Variants in PDGFC observed in about 807,000 individuals in gnomAD.
PDGFC encodes platelet-derived growth factor C.
In PDGFC, 12 loss-of-function variants were observed where a neutral mutation model predicts 35.5. That is an observed-to-expected ratio of 0.34 (90% CI 0.22 to 0.55). PDGFC has a LOEUF of 0.55. Among genes scored for constraint, PDGFC ranks in the 20% least tolerant of loss-of-function variants. The pLI, the probability that PDGFC is intolerant of heterozygous loss-of-function variation, is 0.91. For missense variants in PDGFC, 322 were observed against 412.4 expected, an observed-to-expected ratio of 0.78 and a Z score of 1.90; for synonymous variants, 159 against 148.8, an observed-to-expected ratio of 1.07 and a Z score of -0.50.
At chr4:156,780,809 A>G (rs1730957242) in intron 3 of PDGFC, among the ~76,000 whole-genome samples, 1 of 152,094 alleles carries the variant, frequency 6.6e-6, no homozygotes, top group East Asian at 2.0e-4. Context: ...AAGGTCAGCA[A>G]TGACCCCCCC....
intron 2 of PDGFC, among the ~76,000 whole-genome samples, chr4:156,817,164 A>G (rs1313768411): frequency 1.3e-5 from 2 of 152,186 alleles, no homozygotes; most frequent in Non-Finnish European, 1.5e-5. Context: ...AAAAAAAACT[A>G]CAAATATATA....
At chr4:156,837,353 T>A (rs1399941726) in intron 2 of PDGFC, among the ~76,000 whole-genome samples, 1 of 151,892 alleles carries the variant, frequency 6.6e-6, no homozygotes, top group Non-Finnish European at 1.5e-5. Flanking sequence ...CACGGCAGCC[T>A]GGTGACAGAG....
intron 1 of PDGFC, among the ~76,000 whole-genome samples, chr4:156,958,233 G>T (rs533800945): frequency 2.5e-4 from 38 of 151,844 alleles, no homozygotes; most frequent in Admixed American, 6.6e-4. Flanking sequence ...AGGCATAGAA[G>T]TGTGAGTTGT....
intron 1 of PDGFC, among the ~76,000 whole-genome samples, chr4:156,965,483 T>C (rs1426663054): frequency 6.6e-6 from 1 of 152,074 alleles, no homozygotes; most frequent in Non-Finnish European, 1.5e-5. Context: ...TAATTAACCT[T>C]GACAAGACAG....
chr4:156,922,573 AG>A (rs556015427), intron 1 of PDGFC, among the ~76,000 whole-genome samples: 59 of 152,330 alleles, frequency 3.9e-4, no homozygotes, highest in African/African-American at 1.4e-3. Context: ...TCAGGAAGAT[AG>A]GAAGTATCTT....
At chr4:156,848,282 T>C (rs1451764696) in intron 2 of PDGFC, among the ~76,000 whole-genome samples, 1 of 151,906 alleles carries the variant, frequency 6.6e-6, no homozygotes, top group Non-Finnish European at 1.5e-5. Flanking sequence ...TTGGTGAGAA[T>C]GCTGTGCAAC....
At chr4:156,845,501 G>T (rs183512280) in intron 2 of PDGFC, among the ~76,000 whole-genome samples, 1 of 151,808 alleles carries the variant, frequency 6.6e-6, no homozygotes, top group Admixed American at 6.6e-5. Context: ...TTCCAATTCT[G>T]TCGGAGCTCA....
chr4:156,783,031 T>C (rs143213250), intron 3 of PDGFC, among the ~76,000 whole-genome samples: 3 of 152,144 alleles, frequency 2.0e-5, no homozygotes, highest in African/African-American at 7.2e-5. Flanking sequence ...ATTAAGGAGG[T>C]GATACAAAGA....
chr4:156,916,813 T>C (rs545025558), intron 1 of PDGFC, among the ~76,000 whole-genome samples: 1 of 152,328 alleles, frequency 6.6e-6, no homozygotes, highest in South Asian at 2.1e-4. Context: ...GTTTTCTAAC[T>C]GCTACTGGCC....
intron 2 of PDGFC, among the ~76,000 whole-genome samples, chr4:156,824,313 T>C (rs1331532459): frequency 0.013 from 597 of 45,238 alleles, 41 homozygotes; most frequent in African/African-American, 0.055. Flanking sequence ...TATATATATA[T>C]ATATATATAT....
rs74454247 is a variant in PDGFC at position 156,955,983 on chromosome 4, C to T, written c.118+14803G>A. Among the ~76,000 whole-genome samples, 684 of 152,080 alleles carry T rather than the reference C, an allele frequency of 4.5e-3. 3 individuals are homozygous for T. The highest frequency in any genetic ancestry group is 0.015 in the African/African-American group (639 of 41,508). The stretch of plus-strand genomic sequence containing the variant: ...GTGATAACCCCATGAGAAGCCCTTC[C>T]TGACCCAAAAGTAGAACATCCCTGA... On this transcript the variant is annotated intron_variant, in intron 1 of 5. Transcript: ENST00000502773.
chr4:156,948,606 T>C (rs1265291124), intron 1 of PDGFC, among the ~76,000 whole-genome samples: 1 of 152,008 alleles, frequency 6.6e-6, no homozygotes, highest in African/African-American at 2.4e-5. Context: ...TAGCACAGCA[T>C]TGTTTCTAAT....
At chr4:156,866,561 A>G (rs908618471) in intron 1 of PDGFC, among the ~76,000 whole-genome samples, 3 of 151,998 alleles carry the variant, frequency 2.0e-5, no homozygotes, top group Non-Finnish European at 4.4e-5. Context: ...GTGTGTGTTT[A>G]TTTAAGATCT....
At chr4:156,813,904 G>T (rs996449076) in intron 2 of PDGFC, among the ~76,000 whole-genome samples, 9 of 152,106 alleles carry the variant, frequency 5.9e-5, no homozygotes, top group African/African-American at 2.2e-4. Context: ...CTCATCTCCA[G>T]AATTCGTGTC....
intron 1 of PDGFC, among the ~76,000 whole-genome samples, chr4:156,897,352 G>A (rs1009554807): frequency 2.2e-5 from 3 of 134,754 alleles, no homozygotes; most frequent in Admixed American, 7.1e-5. Flanking sequence ...GAGAGTGTAT[G>A]TGTGTGTGTG....
At chr4:156,846,730 G>T (rs917672264) in intron 2 of PDGFC, among the ~76,000 whole-genome samples, 2 of 151,364 alleles carry the variant, frequency 1.3e-5, no homozygotes, top group African/African-American at 4.8e-5. Flanking sequence ...ACACACAGTG[G>T]GTACAAAGTG....
chr4:156,876,155 C>T (rs185690856), intron 1 of PDGFC, among the ~76,000 whole-genome samples: 4 of 152,198 alleles, frequency 2.6e-5, no homozygotes, highest in East Asian at 1.9e-4. Context: ...ATAAAGTTTC[C>T]CTATGTCCTT....
intron 3 of PDGFC, among the ~76,000 whole-genome samples, chr4:156,787,271 G>A (rs908994634): frequency 1.3e-5 from 2 of 152,110 alleles, no homozygotes; most frequent in African/African-American, 4.8e-5. Flanking sequence ...GGGAGAGAGT[G>A]CTGATCTGGA....
At chr4:156,828,070 T>C (rs1425745486) in intron 2 of PDGFC, among the ~76,000 whole-genome samples, 1 of 152,212 alleles carries the variant, frequency 6.6e-6, no homozygotes. Flanking sequence ...GGAAATGTTA[T>C]ATAATATAAT....
Sources: gnomAD v4.1 joint callset for allele counts (sites outside exome capture counted in the v4.1 genomes callset) on GRCh38, gnomAD v4.1.1 for gene constraint, MANE v1.5 for transcripts, NCBI Gene and HGNC (gene_info 2026-07-23, HGNC 2026-07-21) for gene names.